AKT3: variants seen among roughly 807,000 people sequenced by gnomAD.
The protein encoded by AKT3 is RAC-gamma serine/threonine-protein kinase.
AKT3 carries 15 observed loss-of-function variants against 65.3 expected under a neutral mutation model. That is an observed-to-expected ratio of 0.23 (90% CI 0.15 to 0.35). The LOEUF is 0.35. Among genes scored for constraint, AKT3 ranks in the 10% least tolerant of loss-of-function variants. The pLI is 1.00. For missense variants in AKT3, 243 were observed against 576.5 expected (o/e 0.42, Z 5.92); for synonymous variants, 206 against 183.8 (o/e 1.12, Z -0.98).
chr1:243,728,050 A>G (rs1326917104), intron 2 of AKT3, among the ~76,000 whole-genome samples: 1 of 152,210 alleles, frequency 6.6e-6, no homozygotes, highest in Admixed American at 6.5e-5. Flanking sequence ...CTTGAAGACT[A>G]AAACTATCAA....
At chr1:243,814,846 G>C (rs947199649) in intron 2 of AKT3, 2 of 152,210 alleles carry the variant, frequency 1.3e-5, no homozygotes, top group African/African-American at 4.8e-5. Flanking sequence ...GCAAAACTAC[G>C]ATCAGCACTC....
chr1:243,637,814 G>C, intron 5 of AKT3, 72 bp from the exon 6 acceptor site: 1 of 1,118,180 alleles, frequency 8.9e-7, no homozygotes, highest in East Asian at 2.9e-5. Context: ...ATATATATGT[G>C]TTTGCAATAT....
chr1:243,766,616 G>A (rs1689844410), intron 2 of AKT3, among the ~76,000 whole-genome samples: 5 of 152,122 alleles, frequency 3.3e-5, no homozygotes, highest in Admixed American at 2.6e-4. Flanking sequence ...AGCCACTCAA[G>A]AGCTTGAATT....
chr1:243,515,719 G>A (rs185131131), intron 12 of AKT3, among the ~76,000 whole-genome samples: 1 of 152,272 alleles, frequency 6.6e-6, no homozygotes, highest in East Asian at 1.9e-4. Flanking sequence ...GGCCAGGTGT[G>A]GTGGCTCATG....
chr1:243,664,949 A>G, intron 3 of AKT3, 66 bp from the exon 4 acceptor site: 1 of 901,674 alleles, frequency 1.1e-6, no homozygotes, highest in Non-Finnish European at 1.6e-6. Flanking sequence ...AATAATTGAG[A>G]ACTACAGAGT....
chr1:243,712,151 A>G (rs1663311369), intron 2 of AKT3, among the ~76,000 whole-genome samples: 1 of 152,216 alleles, frequency 6.6e-6, no homozygotes, highest in South Asian at 2.1e-4. Context: ...AAATACATGG[A>G]CATAATCCTA....
Position 243,505,159 on chromosome 1 carries a change from G to A in AKT3, c.*90C>T. 1 of 1,237,732 alleles carries A rather than the reference G, an allele frequency of 8.1e-7. No individual in the cohort carries two copies. The highest frequency in any genetic ancestry group is 1.2e-6 in the Non-Finnish European group (1 of 855,080). 76.7% of individuals were successfully genotyped at this position (1,237,732 alleles called of 1,614,324 possible). ...GTCTGGGATGTCGGAAGGTGCCCCTGCTATGTGTAAGAGCTAGGACTGGTG... is the reference window on the plus strand; with the variant it reads ...GTCTGGGATGTCGGAAGGTGCCCCTACTATGTGTAAGAGCTAGGACTGGTG... On this transcript the variant is annotated 3_prime_UTR_variant, in exon 14 of 14. Coordinates refer to ENST00000673466, the MANE Select transcript of AKT3 (RefSeq NM_005465.7).
At chr1:243,827,581 A>C (rs1223125936) in intron 2 of AKT3, among the ~76,000 whole-genome samples, 1 of 152,184 alleles carries the variant, frequency 6.6e-6, no homozygotes. Context: ...AAGATAAGGA[A>C]ATTAGTATTC....
At chr1:243,783,169 T>C (rs1178057256) in intron 2 of AKT3, among the ~76,000 whole-genome samples, 1 of 104,748 alleles carries the variant, frequency 9.5e-6, no homozygotes, top group African/African-American at 2.5e-5. Context: ...GTGGGGTCCC[T>C]AGATCGGTTC....
At chr1:243,622,432 GTTTA>G (rs938842147) in intron 6 of AKT3, among the ~76,000 whole-genome samples, 23 of 152,156 alleles carry the variant, frequency 1.5e-4, no homozygotes, top group African/African-American at 5.3e-4. Flanking sequence ...ATACTCTATG[GTTTA>G]TTTATTATGT....
intron 11 of AKT3, among the ~76,000 whole-genome samples, chr1:243,550,958 CA>C (rs60047036): frequency 0.036 from 621 of 17,486 alleles, no homozygotes; most frequent in African/African-American, 0.11. Flanking sequence ...GACTCCCTCT[CA>C]AAAAAAAAAA....
chr1:243,542,049 T>TG (rs1672356531), intron 12 of AKT3, among the ~76,000 whole-genome samples: 1 of 152,102 alleles, frequency 6.6e-6, no homozygotes, highest in Admixed American at 6.5e-5. Context: ...CCTAAATAAA[T>TG]GGAGAAATAA....
intron 13 of AKT3, among the ~76,000 whole-genome samples, chr1:243,493,135 T>C (rs566509246): frequency 6.6e-6 from 1 of 151,810 alleles, no homozygotes; most frequent in South Asian, 2.1e-4. Context: ...CACCCTGGCC[T>C]GTCTTTTGTT....
chr1:243,768,831 CAAAAAA>C (rs1360543117), intron 2 of AKT3, among the ~76,000 whole-genome samples: 1 of 78,164 alleles, frequency 1.3e-5, no homozygotes, highest in Admixed American at 1.4e-4. Context: ...TGATCCGCCA[CAAAAAA>C]AAAAAAAAAA....
At chr1:243,707,350 T>C (rs1217516570) in intron 2 of AKT3, among the ~76,000 whole-genome samples, 1 of 152,232 alleles carries the variant, frequency 6.6e-6, no homozygotes. Flanking sequence ...ACTTTGCTTA[T>C]GTCCTGTCTT....
chr1:243,723,627 T>C (rs968155632), intron 2 of AKT3, among the ~76,000 whole-genome samples: 1 of 151,924 alleles, frequency 6.6e-6, no homozygotes, highest in African/African-American at 2.4e-5. Flanking sequence ...CAATCAAGAG[T>C]AAAGTGTTTC....
rs139806579 is a variant in AKT3 at position 243,704,820 on chromosome 1, C to CT, written c.47-9105dup. ...TTTTAAGATTATTGCCCATTCTTGTCTTTCTCACTGATTTCTGCATAATAT... is the reference window on the plus strand; with the variant it reads ...TTTTAAGATTATTGCCCATTCTTGTCTTTTCTCACTGATTTCTGCATAATAT... On this transcript the variant is annotated intron_variant, in intron 2 of 13. Coordinates refer to ENST00000673466, the MANE Select transcript of AKT3 (RefSeq NM_005465.7). Among the ~76,000 whole-genome samples, 728 of 152,232 alleles carry CT rather than the reference C, an allele frequency of 4.8e-3. 9 individuals are homozygous for CT. The highest frequency in any genetic ancestry group is 0.017 in the African/African-American group (691 of 41,528).
chr1:243,765,187 A>AT (rs1689737139), intron 2 of AKT3, among the ~76,000 whole-genome samples: 1 of 152,116 alleles, frequency 6.6e-6, no homozygotes, highest in African/African-American at 2.4e-5. Context: ...AATACATTTA[A>AT]TGTGTATAAA....
intron 12 of AKT3, among the ~76,000 whole-genome samples, chr1:243,527,932 CACACAGAG>C (rs1468425879): frequency 3.3e-3 from 112 of 33,590 alleles, no homozygotes; most frequent in African/African-American, 4.0e-3. Flanking sequence ...CACACACACA[CACACAGAG>C]AGAGAGAGAG....
Sources: gnomAD v4.1 joint callset for allele counts (sites outside exome capture counted in the v4.1 genomes callset) on GRCh38, gnomAD v4.1.1 for gene constraint, MANE v1.5 for transcripts, NCBI Gene and HGNC (gene_info 2026-07-23, HGNC 2026-07-21) for gene names.